The following SRRM2 variants were observed in gnomAD, a reference collection of about 807,000 sequenced individuals.
The protein encoded by SRRM2 is serine/arginine repetitive matrix 2.
In SRRM2, 30 loss-of-function variants were observed where a neutral mutation model predicts 213.8. That is an observed-to-expected ratio of 0.14 (90% CI 0.10 to 0.19). SRRM2 has a LOEUF of 0.19. Ranked by LOEUF, SRRM2 falls within the 10% of genes least tolerant of loss-of-function variation. The pLI is 1.00. For missense variants in SRRM2, 4,904 were observed against 3,647.0 expected (o/e 1.34, Z -8.88); for synonymous variants, 2,025 against 1,377.7 (o/e 1.47, Z -10.40).
Position 2,762,023 on chromosome 16 carries a change from A to G in SRRM2, c.1495A>G (p.Thr499Ala), listed in dbSNP as rs148626031. 6 of 1,614,002 alleles carry G rather than the reference A, an allele frequency of 3.7e-6. No homozygotes were observed. In the African/African-American group the frequency reaches 8.0e-5, roughly 22 times the overall value. ...TAAGAGAGGGCGATCTCGGTCTCGA[A>G]CCCCTACCAAGAGAGGTCATTCTCG... ...TAKRGRSRSR[T>A]PTKRGHSRSR... Residue 499 changes from threonine (T) to alanine (A), a missense_variant, in exon 11 of 15, where the codon ACC (threonine) becomes GCC (alanine). Physicochemically the swap from Thr to Ala is moderately conservative, Grantham distance 58. Coordinates refer to ENST00000301740, the MANE Select transcript of SRRM2 (RefSeq NM_016333.4).
At position 2,765,587 on chromosome 16, in the gene SRRM2, C is replaced by G. The variant is rs1299610405; in HGVS notation, c.5059C>G (p.Arg1687Gly). The G allele has an allele frequency of 1.2e-6, 2 of 1,614,192 alleles. No homozygotes were observed. The highest frequency in any genetic ancestry group is 2.2e-5 in the South Asian group (2 of 91,076). ...EPKTKSRTPP[R>G]RRSSRSSPEL... ...CAAGACCAAGTCTCGTACACCACCT[C>G]GACGTCGCAGCTCTCGATCATCTCC... Residue 1687 changes from arginine (R) to glycine (G), a missense_variant, in exon 11 of 15, where the codon CGA (arginine) becomes GGA (glycine). Physicochemically the swap from Arg to Gly is moderately radical, Grantham distance 125. Coordinates refer to ENST00000301740, the MANE Select transcript of SRRM2 (RefSeq NM_016333.4).
At chr16:2,770,808 C>G (rs1388723984) in intron 14 of SRRM2, 50 bp from the exon 15 acceptor site, 1 of 1,613,288 alleles carries the variant, frequency 6.2e-7, no homozygotes, top group Non-Finnish European at 8.5e-7. Flanking sequence ...AGAAACTGGC[C>G]TTGAGGGCTG....
At chr16:2,756,312 G>A (rs2068137857) in intron 1 of SRRM2, 22 bp from the exon 2 acceptor site, 4 of 1,520,660 alleles carry the variant, frequency 2.6e-6, no homozygotes, top group East Asian at 4.7e-5. Flanking sequence ...GGCCTGACCC[G>A]TGTCTCCCCG....
rs377046834 is a variant in SRRM2, at chr16:2,766,457, A to C, written c.5929A>C (p.Ile1977Leu). ...RRRSRSRTSP[I>L]TRRRSRSRTS... ...GCGATCTCGAAGCAGAACTTCGCCT[A>C]TCACTCGCAGAAGATCAAGATCCAG... The change falls in exon 11 of 15, where the codon ATC becomes CTC. Residue 1977 changes from isoleucine to leucine, a missense_variant. Transcript: ENST00000301740. This position sits in a 1 kb window ranked among gnomAD's most constrained non-coding sequence, Gnocchi z 7.0. 1.2e-6 allele frequency: 2 copies of C among 1,613,954 alleles called. No homozygotes were observed. The highest frequency in any genetic ancestry group is 3.3e-5 in the Admixed American group (2 of 59,998).
chr16:2,752,758 C>T lies in SRRM2; in HGVS notation c.-120C>T. The T allele has an allele frequency of 2.8e-6, 1 of 359,892 alleles. No individual in the cohort carries two copies. The highest frequency in any genetic ancestry group is 1.9e-5 in the South Asian group (1 of 53,808). 22.3% of individuals were successfully genotyped at this position (359,892 alleles called of 1,614,324 possible). A position where few individuals can be genotyped will look rare whatever the true frequency, so the allele number is the denominator to read the frequency against. ...AGGCGGGCGGACCGGCGAGGCGAGG[C>T]GGCGGCCCCAGGCCCGAGGGACTCG... On this transcript the variant is annotated 5_prime_UTR_variant, in exon 1 of 15. Transcript: ENST00000301740.
In SRRM2 at chr16:2,771,361, C is replaced by A; in HGVS notation, c.*494C>A. The A allele has an allele frequency of 6.3e-7, 1 of 1,589,760 alleles. No homozygotes were observed. The highest frequency in any genetic ancestry group is 8.6e-7 in the Non-Finnish European group (1 of 1,159,274). On this transcript the variant is annotated 3_prime_UTR_variant, in exon 15 of 15. Transcript: ENST00000301740. ...TAAAGGCATTTTGGTTTTTTAAAATCTGTACAGCAAGAGCAACTTTTTCTG... is the reference window on the plus strand; with the variant it reads ...TAAAGGCATTTTGGTTTTTTAAAATATGTACAGCAAGAGCAACTTTTTCTG...
rs536744661 is a variant in SRRM2, at chr16:2,758,478, G to A, written c.524G>A (p.Arg175Gln). 127 of 1,613,834 alleles carry A rather than the reference G, an allele frequency of 7.9e-5. No individual in the cohort carries two copies. The South Asian group carries it at 1.2e-3, about 15-fold the overall frequency. ...TTTTCATTTTTCCCTAGCCTTGTTC[G>A]GGAGTCTAGCAGTTCTCGCTCACCA... ...PEPPKPYSLV[R>Q]ESSSSRSPTP... The change falls in exon 5 of 15, where the codon CGG (arginine) becomes CAG (glutamine). Residue 175 changes from arginine to glutamine, a missense_variant. By Grantham distance (43) the Arg-to-Gln change is conservative (BLOSUM62 1). Coordinates refer to ENST00000301740, the MANE Select transcript of SRRM2 (RefSeq NM_016333.4).
Position 2,768,992 on chromosome 16 carries a change from C to A in SRRM2, c.7734-5C>A. ...TCTCCTTGTGACACTCCTCTCCTCC[C>A]ACAGGGTCCCCAGCCCCACCCCAGC... On this transcript the variant is annotated splice_polypyrimidine_tract_variant and splice_region_variant and intron_variant, in intron 11 of 14. Transcript: ENST00000301740. 4 of 1,613,006 alleles carry A rather than the reference C, an allele frequency of 2.5e-6. No individual in the cohort carries two copies. The Middle Eastern group carries it at 5.0e-4, about 200-fold the overall frequency.
intron 3 of SRRM2, 58 bp from the exon 4 acceptor site, chr16:2,757,723 T>C: frequency 3.8e-6 from 6 of 1,595,734 alleles, no homozygotes; most frequent in Middle Eastern, 1.7e-4. Flanking sequence ...ATACTTGTGT[T>C]CTGAATATGG....
Position 2,761,765 on chromosome 16 carries a change from C to A in SRRM2, c.1237C>A (p.Pro413Thr). 3 of 1,613,530 alleles carry A rather than the reference C, an allele frequency of 1.9e-6. No homozygotes were observed. Among genetic ancestry groups the A allele is most frequent in the East Asian group, 2.2e-5 (1 of 44,874 alleles). The change falls in exon 11 of 15, where the codon CCC becomes ACC. Residue 413 changes from proline to threonine, a missense_variant. Transcript: ENST00000301740. ...ACCACCTAAGTCTCCCGAGAAACTT[C>A]CCCAGTCTTCTTCCTCAGAGAGCAG... Reference protein sequence around the residue: ...RSPPKSPEKLPQSSSSESSPP... With the variant: ...RSPPKSPEKLTQSSSSESSPP...
In SRRM2 at chr16:2,757,462, T is replaced by G; in HGVS notation, c.243-10T>G. ...TGTCGAGCTTAACCCTGAAGGGATT[T>G]GTTCTTCAGGTACGAGGAACAGCAA... On this transcript the variant is annotated splice_polypyrimidine_tract_variant and intron_variant, in intron 2 of 14. Coordinates refer to ENST00000301740, the MANE Select transcript of SRRM2 (RefSeq NM_016333.4). The G allele has an allele frequency of 6.2e-7, 1 of 1,612,326 alleles. No individual in the cohort carries two copies. Among genetic ancestry groups the G allele is most frequent in the Non-Finnish European group, 8.5e-7 (1 of 1,178,484 alleles).
At chr16:2,769,495 CA>C (rs2068664310) in intron 12 of SRRM2, 2 of 640,200 alleles carry the variant, frequency 3.1e-6, no homozygotes, top group Non-Finnish European at 2.8e-6. Flanking sequence ...AGGCCAGGAC[CA>C]GGGGGTCCTT....
At chr16:2,753,137 ACTC>A (rs2067997316) in intron 1 of SRRM2, among the ~76,000 whole-genome samples, 1 of 143,278 alleles carries the variant, frequency 7.0e-6, no homozygotes, top group African/African-American at 2.6e-5. Context: ...CCTCGGCTTC[ACTC>A]CTCCCCCCAA....
rs766825934 is a variant in SRRM2, at chr16:2,762,054, G to A, written c.1526G>A (p.Arg509Gln). 13 of 1,614,096 alleles carry A rather than the reference G, an allele frequency of 8.1e-6. No homozygotes were observed. Among genetic ancestry groups the A allele is most frequent in the African/African-American group, 5.3e-5 (4 of 74,924 alleles). Reference sequence around the variant, plus strand: ...ACCAAGAGAGGTCATTCTCGATCCCGATCTCCCCAGTGGCGTAGGTCCAGG... The same window carrying A: ...ACCAAGAGAGGTCATTCTCGATCCCAATCTCCCCAGTGGCGTAGGTCCAGG... ...TPTKRGHSRSRSPQWRRSRSA... is the reference protein window; with the variant it reads ...TPTKRGHSRSQSPQWRRSRSA... Residue 509 changes from arginine to glutamine, a missense_variant, in exon 11 of 15, where the codon CGA becomes CAA. Transcript: ENST00000301740.
rs888887932 is a variant in SRRM2, at chr16:2,769,771, T to A, written c.8021+487T>A. 4.3e-5 allele frequency: 20 copies of A among 466,354 alleles called. No individual in the cohort carries two copies. In the Middle Eastern group the frequency reaches 1.9e-3, roughly 45 times the overall value. 28.9% of individuals were successfully genotyped at this position (466,354 alleles called of 1,614,324 possible). On this transcript the variant is annotated intron_variant, in intron 12 of 14. Transcript: ENST00000301740. Reference sequence around the variant, plus strand: ...GGCCTGCAGGACAAAGCCCCACCTCTGCGGGAGTGGCGTGTGAGGCTCTTC... The same window carrying A: ...GGCCTGCAGGACAAAGCCCCACCTCAGCGGGAGTGGCGTGTGAGGCTCTTC...
intron 1 of SRRM2, among the ~76,000 whole-genome samples, chr16:2,755,216 C>G (rs891971860): frequency 1.3e-5 from 2 of 152,126 alleles, no homozygotes; most frequent in African/African-American, 4.8e-5. Context: ...AAAGCTGGGA[C>G]TTGAGAATTT....
In SRRM2 at chr16:2,762,031, C is replaced by G. The variant is rs1350449722; in HGVS notation, c.1503C>G (p.Thr501=). 1 of 1,614,216 alleles carries G rather than the reference C, an allele frequency of 6.2e-7. No individual in the cohort carries two copies. Among genetic ancestry groups the G allele is most frequent in the South Asian group, 1.1e-5 (1 of 91,086 alleles). The change falls in exon 11 of 15, where the codon ACC becomes ACG. Residue 501 remains threonine, a synonymous_variant. Coordinates refer to ENST00000301740, the MANE Select transcript of SRRM2 (RefSeq NM_016333.4). ...GGCGATCTCGGTCTCGAACCCCTACCAAGAGAGGTCATTCTCGATCCCGAT... is the reference window on the plus strand; with the variant it reads ...GGCGATCTCGGTCTCGAACCCCTACGAAGAGAGGTCATTCTCGATCCCGAT... The part of the protein sequence containing the change: ...KRGRSRSRTP[T]KRGHSRSRSP...
chr16:2,758,653 GT>G, intron 5 of SRRM2, 106 bp downstream of exon 5: 1 of 1,130,648 alleles, frequency 8.8e-7, no homozygotes, highest in Non-Finnish European at 1.3e-6. Context: ...GGAGATAGTT[GT>G]CAGGGAGGAG....
Position 2,766,952 on chromosome 16 carries a change from T to C in SRRM2, c.6424T>C (p.Ser2142Pro). 6.2e-7 allele frequency: 1 copy of C among 1,614,092 alleles called. No individual in the cohort carries two copies. The highest frequency in any genetic ancestry group is 8.5e-7 in the Non-Finnish European group (1 of 1,180,022). ...TGGAATGCTTGAACCCCTTGGCAGC[T>C]CTAGAACACCCATGTCTGTCCTGCA... is the stretch of plus-strand genomic sequence containing the variant. ...SPGMLEPLGS[S>P]RTPMSVLQQA... Residue 2142 changes from serine (S) to proline (P), a missense_variant, in exon 11 of 15, where the codon TCT becomes CCT. Physicochemically the swap from Ser to Pro is moderately conservative, Grantham distance 74. Coordinates refer to ENST00000301740, the MANE Select transcript of SRRM2 (RefSeq NM_016333.4). This position sits in a 1 kb window ranked among gnomAD's most constrained non-coding sequence, Gnocchi z 7.0.
Sources: gnomAD v4.1 joint callset for allele counts (sites outside exome capture counted in the v4.1 genomes callset) on GRCh38, gnomAD v4.1.1 for gene constraint, Gnocchi (gnomAD v3.1) non-coding constraint, MANE v1.5 for transcripts, NCBI Gene and HGNC (gene_info 2026-07-23, HGNC 2026-07-21) for gene names.